Variants in COL24A1 observed in about 807,000 individuals in gnomAD.
The protein encoded by COL24A1 is collagen type XXIV alpha 1 chain, also known as collagen alpha-1(XXIV) chain.
Under a neutral mutation model 253.9 loss-of-function variants are expected in COL24A1, and 224 were observed. That is an observed-to-expected ratio of 0.88 (90% CI 0.79 to 0.99). COL24A1 has a LOEUF of 0.99. Ranked by LOEUF, COL24A1 falls within the 50% of genes least tolerant of loss-of-function variation. The probability of loss-of-function intolerance (pLI) is 0.00; values close to 1 mark genes in which losing one functional copy is unlikely to be tolerated. For missense variants in COL24A1, 2,131 were observed against 2,068.5 expected, an observed-to-expected ratio of 1.03 and a Z score of -0.59; for synonymous variants, 685 against 673.7, an observed-to-expected ratio of 1.02 and a Z score of -0.26.
Position 85,730,412 on chromosome 1 carries a change from C to T in COL24A1, c.*134G>A. 2 of 906,296 alleles carry T rather than the reference C, an allele frequency of 2.2e-6. No homozygotes were observed. The highest frequency in any genetic ancestry group is 2.5e-5 in the South Asian group (1 of 39,442). 56.1% of individuals were successfully genotyped at this position (906,296 alleles called of 1,614,324 possible). A position where few individuals can be genotyped will look rare whatever the true frequency, so the allele number is the denominator to read the frequency against. On this transcript the variant is annotated 3_prime_UTR_variant, in exon 60 of 60. Coordinates refer to ENST00000370571, the MANE Select transcript of COL24A1 (RefSeq NM_152890.7). ...TCTCCTTCTTAGGAGGAAGTCTGTT[C>T]TTCCTGAGATTCTTTAAGATTTAGC... is the stretch of plus-strand genomic sequence containing the variant.
intron 4 of COL24A1, among the ~76,000 whole-genome samples, chr1:86,113,471 C>A (rs1018273748): frequency 3.3e-5 from 5 of 152,080 alleles, no homozygotes; most frequent in Admixed American, 2.0e-4. Flanking sequence ...CAGAATACTT[C>A]AGGAAGACAG....
At chr1:85,735,500 G>A (rs1399919959) in intron 58 of COL24A1, among the ~76,000 whole-genome samples, 1 of 151,956 alleles carries the variant, frequency 6.6e-6, no homozygotes, top group East Asian at 1.9e-4. Flanking sequence ...ATTTGGTTGA[G>A]TAATTTTAAC....
chr1:85,835,041 G>A (rs1675840110), intron 43 of COL24A1, among the ~76,000 whole-genome samples: 1 of 152,092 alleles, frequency 6.6e-6, no homozygotes, highest in South Asian at 2.1e-4. Context: ...TGTCTGGGAT[G>A]TCCAATGTAA....
At chr1:85,970,301 A>G (rs759274218) in intron 21 of COL24A1, 30 bp from the exon 22 acceptor site, 6 of 1,538,082 alleles carry the variant, frequency 3.9e-6, no homozygotes, top group Middle Eastern at 3.5e-4. Flanking sequence ...AGAACATATT[A>G]TGGCCTAAAA....
intron 22 of COL24A1, 84 bp from the exon 23 acceptor site, chr1:85,965,146 A>G (rs1691439075): frequency 9.8e-7 from 1 of 1,024,514 alleles, no homozygotes; most frequent in African/African-American, 1.6e-5. Flanking sequence ...TATGAAATTT[A>G]GACTATTCTT....
rs756092738 is a variant in COL24A1, at chr1:86,126,083, T to A, written c.253A>T (p.Lys85Ter). The A allele has an allele frequency of 2.5e-6, 4 of 1,613,574 alleles. No homozygotes were observed. Among genetic ancestry groups the A allele is most frequent in the South Asian group, 2.2e-5 (2 of 91,072 alleles). ...VHLTESGVIF[K>*]NDAYIETPFV... ...GGTGTCTCGATATAAGCATCATTTT[T>A]AAAAATGACTCCTGATTCTGTTAAA... The change falls in exon 3 of 60, where the codon AAA becomes TAA. Residue 85 changes from lysine (K) to a stop codon, truncating the protein, a stop_gained. Transcript: ENST00000370571. LOFTEE classifies it high-confidence loss of function.
intron 2 of COL24A1, among the ~76,000 whole-genome samples, chr1:86,134,132 T>C (rs1012593355): frequency 2.6e-5 from 4 of 152,130 alleles, no homozygotes; most frequent in Admixed American, 2.6e-4. Context: ...CTAGTTTATA[T>C]GGGTAGAGGT....
rs1699947433 is a variant in COL24A1 at position 86,046,869 on chromosome 1, C to A, written c.1906G>T (p.Gly636Cys). Residue 636 changes from glycine to cysteine, a missense_variant and splice_region_variant, in exon 12 of 60, where the codon GGC becomes TGC. By Grantham distance (159) the Gly-to-Cys change is radical. Transcript: ENST00000370571. ...AGQLGPEGER[G>C]IPGIRGKKGF... ...TTCTTTCCACGGATCCCAGGAATGC[C>A]CTAGAATATAGAAAAGAAAAAGGAA... is the stretch of plus-strand genomic sequence containing the variant. 2.0e-6 allele frequency: 3 copies of A among 1,483,038 alleles called. No individual in the cohort carries two copies. The highest frequency in any genetic ancestry group is 2.8e-6 in the Non-Finnish European group (3 of 1,061,744). 91.9% of individuals were successfully genotyped at this position (1,483,038 alleles called of 1,614,324 possible). A position where few individuals can be genotyped will look rare whatever the true frequency, so the allele number is the denominator to read the frequency against.
At chr1:85,975,176 A>C (rs987654004) in intron 20 of COL24A1, among the ~76,000 whole-genome samples, 1 of 152,198 alleles carries the variant, frequency 6.6e-6, no homozygotes, top group Admixed American at 6.5e-5. Flanking sequence ...AATGTAAATC[A>C]ATACAGCTAA....
At chr1:86,145,545 CA>C (rs1434176097) in intron 2 of COL24A1, among the ~76,000 whole-genome samples, 1 of 152,040 alleles carries the variant, frequency 6.6e-6, no homozygotes, top group Non-Finnish European at 1.5e-5. Context: ...ATAGAAGATG[CA>C]TCAATCATGT....
chr1:85,864,210 C>T (rs1265184538), intron 37 of COL24A1, among the ~76,000 whole-genome samples: 2 of 152,166 alleles, frequency 1.3e-5, no homozygotes, highest in Non-Finnish European at 2.9e-5. Context: ...CCATGGAATA[C>T]TATGCAGCCA....
At chr1:85,990,691 G>A (rs549923990) in intron 19 of COL24A1, among the ~76,000 whole-genome samples, 1 of 152,190 alleles carries the variant, frequency 6.6e-6, no homozygotes, top group African/African-American at 2.4e-5. Context: ...CGCTTAGTAG[G>A]TGCTTGAAGA....
chr1:86,003,911 T>TA (rs61494081), intron 19 of COL24A1, among the ~76,000 whole-genome samples: 3 of 152,122 alleles, frequency 2.0e-5, no homozygotes, highest in African/African-American at 7.2e-5. Flanking sequence ...AAGGAGGTTA[T>TA]AAAAAACCAA....
At chr1:86,080,429 A>G (rs979336168) in intron 7 of COL24A1, among the ~76,000 whole-genome samples, 1 of 152,164 alleles carries the variant, frequency 6.6e-6, no homozygotes, top group Admixed American at 6.6e-5. Context: ...AAATAAATAG[A>G]GTATCATTGG....
intron 43 of COL24A1, among the ~76,000 whole-genome samples, chr1:85,830,777 C>T (rs957201627): frequency 3.9e-5 from 6 of 152,166 alleles, no homozygotes; most frequent in African/African-American, 9.6e-5. Flanking sequence ...TGCCCTGCTT[C>T]GGCTCGCGCA....
intron 27 of COL24A1, among the ~76,000 whole-genome samples, chr1:85,908,177 T>C (rs1222000786): frequency 6.6e-6 from 1 of 151,808 alleles, no homozygotes; most frequent in African/African-American, 2.4e-5. Context: ...ATGGAATATT[T>C]TCAATACTAC....
intron 24 of COL24A1, among the ~76,000 whole-genome samples, chr1:85,949,989 G>A (rs773048731): frequency 1.3e-5 from 2 of 152,020 alleles, no homozygotes; most frequent in African/African-American, 4.8e-5. Context: ...CTCTGTACAT[G>A]TTCTGTTACC....
intron 37 of COL24A1, among the ~76,000 whole-genome samples, chr1:85,863,214 G>C (rs1679365351): frequency 6.6e-6 from 1 of 152,090 alleles, no homozygotes; most frequent in Admixed American, 6.5e-5. Context: ...AGGAGATTTT[G>C]GGCTGAGACG....
intron 10 of COL24A1, among the ~76,000 whole-genome samples, chr1:86,052,276 T>C (rs903233201): frequency 1.3e-5 from 2 of 152,112 alleles, no homozygotes; most frequent in Non-Finnish European, 2.9e-5. Flanking sequence ...AAAGTAATTG[T>C]TATTTCTATA....
Sources: allele counts gnomAD v4.1 joint callset (sites outside exome capture counted in the v4.1 genomes callset), GRCh38; gene constraint gnomAD v4.1.1; transcripts MANE v1.5; gene names NCBI Gene and HGNC (gene_info 2026-07-23, HGNC 2026-07-21).